DFFA: variants seen among roughly 807,000 people sequenced by gnomAD.
DFFA encodes DNA fragmentation factor subunit alpha, also known as DFF45.
Under a neutral mutation model 28.0 loss-of-function variants are expected in DFFA, and 14 were observed. That is an observed-to-expected ratio of 0.50 (90% CI 0.33 to 0.78). The LOEUF (loss-of-function observed/expected upper bound fraction) is 0.78. Ranked by LOEUF, DFFA falls within the 30% of genes least tolerant of loss-of-function variation. The pLI, the probability that DFFA is intolerant of heterozygous loss-of-function variation, is 0.02. For missense variants in DFFA, 395 were observed against 407.1 expected (o/e 0.97, Z 0.26); for synonymous variants, 158 against 170.3 (o/e 0.93, Z 0.56).
intron 5 of DFFA, 54 bp from the exon 6 acceptor site, chr1:10,461,756 C>T: frequency 1.2e-6 from 2 of 1,601,066 alleles, no homozygotes; most frequent in Non-Finnish European, 1.7e-6. Flanking sequence ...GCCTCTCCTG[C>T]TGCTCTCCTG....
intron 1 of DFFA, among the ~76,000 whole-genome samples, chr1:10,469,843 T>C (rs866586520): frequency 2.7e-5 from 4 of 150,252 alleles, no homozygotes; most frequent in Non-Finnish European, 4.5e-5. Flanking sequence ...TTCTTTCTTT[T>C]TTTTTTTTTT....
At chr1:10,461,784 G>C (rs1640945365) in intron 5 of DFFA, 82 bp from the exon 6 acceptor site, 1 of 1,563,270 alleles carries the variant, frequency 6.4e-7, no homozygotes, top group East Asian at 2.3e-5. Context: ...TTTGGGGAGT[G>C]CAATGAGGCA....
At position 10,463,531 on chromosome 1, in the gene DFFA, C is replaced by T; in HGVS notation, c.531G>A (p.Gln177=). 1 of 1,614,224 alleles carries T rather than the reference C, an allele frequency of 6.2e-7. No individual in the cohort carries two copies. Among genetic ancestry groups the T allele is most frequent in the Non-Finnish European group, 8.5e-7 (1 of 1,180,042 alleles). ...TVQRLQHTLQ[Q]VLDQREEVRQ... is the part of the protein sequence containing the mutation. ...GCACTTCCTCTCTTTGGTCAAGCAC[C>T]TGTTGGAGTGTGTGCTGCAGCCGCT... The change falls in exon 4 of 6, where the codon CAG becomes CAA. Residue 177 remains glutamine, a synonymous_variant. Transcript: ENST00000377038.
intron 1 of DFFA, among the ~76,000 whole-genome samples, chr1:10,469,770 T>G (rs186823833): frequency 1.3e-5 from 2 of 152,048 alleles, no homozygotes; most frequent in Admixed American, 1.3e-4. Flanking sequence ...CCACCCGCCT[T>G]GGCCTCCCAA....
rs71643093 is a variant in DFFA at position 10,467,177 on chromosome 1, G to C, written c.441+13C>G. On this transcript the variant is annotated intron_variant, in intron 3 of 5. Coordinates refer to ENST00000377038, the MANE Select transcript of DFFA (RefSeq NM_004401.3). ...TGGATGAACATTGTTGCAGGTTGTG[G>C]AGGAGGCTTTACCTGGAGGTCCTCC... The C allele has an allele frequency of 1.2e-6, 2 of 1,613,874 alleles. No individual in the cohort carries two copies. The highest frequency in any genetic ancestry group is 2.7e-5 in the African/African-American group (2 of 74,902).
At position 10,469,282 on chromosome 1, in the gene DFFA, C is replaced by T; in HGVS notation, c.193G>A (p.Glu65Lys). 6.2e-7 allele frequency: 1 copy of T among 1,614,196 alleles called. No homozygotes were observed. Among genetic ancestry groups the T allele is most frequent in the Non-Finnish European group, 8.5e-7 (1 of 1,180,012 alleles). Residue 65 changes from glutamate (E) to lysine (K), a missense_variant, in exon 2 of 6, where the codon GAG becomes AAG. Transcript: ENST00000377038. Reference sequence around the variant, plus strand: ...TCATCATCCACTATGGTGCCATCCTCTGCCAGGACCAGGGTGACTGGTGTC... The same window carrying T: ...TCATCATCCACTATGGTGCCATCCTTTGCCAGGACCAGGGTGACTGGTGTC... ...SLTPVTLVLA[E>K]DGTIVDDDDY...
rs995554688 is a variant in DFFA, at chr1:10,462,099, C to T, written c.784-397G>A. ...GGTCTCGATCTCCTGACCTTGTGATCCGCCCACCTTGGCCTCCCAAAGTGC... is the reference window on the plus strand; with the variant it reads ...GGTCTCGATCTCCTGACCTTGTGATTCGCCCACCTTGGCCTCCCAAAGTGC... On this transcript the variant is annotated intron_variant, in intron 5 of 5. Coordinates refer to ENST00000377038, the MANE Select transcript of DFFA (RefSeq NM_004401.3). Among the ~76,000 whole-genome samples the T allele has an allele frequency of 1.7e-4, 26 of 152,266 alleles. No individual in the cohort carries two copies. In the South Asian group the frequency reaches 5.4e-3, roughly 32 times the overall value.
intron 3 of DFFA, among the ~76,000 whole-genome samples, chr1:10,465,449 A>G (rs1641007610): frequency 6.6e-6 from 1 of 151,986 alleles, no homozygotes; most frequent in African/African-American, 2.4e-5. Flanking sequence ...TATTTTTAGT[A>G]GAGACGGGAT....
rs1341058246 is a variant in DFFA at position 10,462,647 on chromosome 1, T to A, written c.783+411A>T. ...AGGCAGGTTCCCTTCCTCAAGTTTT[T>A]AGCTCCCTGGTCTTAGCCAGCAGGC... On this transcript the variant is annotated intron_variant, in intron 5 of 5. Transcript: ENST00000377038. 4 of 1,016,608 alleles carry A rather than the reference T, an allele frequency of 3.9e-6. No homozygotes were observed. In the Admixed American group the frequency reaches 2.0e-4, roughly 51 times the overall value. 63.0% of individuals were successfully genotyped at this position (1,016,608 alleles called of 1,614,324 possible). A position where few individuals can be genotyped will look rare whatever the true frequency, so the allele number is the denominator to read the frequency against.
chr1:10,463,308 C>A, intron 4 of DFFA, 99 bp from the exon 5 acceptor site: 2 of 1,555,070 alleles, frequency 1.3e-6, no homozygotes, highest in Non-Finnish European at 1.7e-6. Context: ...AGAAACGTGC[C>A]CGTCCCGCAT....
rs148818182 is a variant in DFFA, at chr1:10,467,701, G to A, written c.299-369C>T. Among the ~76,000 whole-genome samples the A allele has an allele frequency of 2.0e-3, 306 of 152,104 alleles. 2 individuals are homozygous for A. Among genetic ancestry groups the A allele is most frequent in the Non-Finnish European group, 3.3e-3 (227 of 67,992 alleles). ...AATTTTGGTATTTTTAGTAGAGACG[G>A]GCTTTCACCATGTTGGCCAGGCTGG... On this transcript the variant is annotated intron_variant, in intron 2 of 5. Coordinates refer to ENST00000377038, the MANE Select transcript of DFFA (RefSeq NM_004401.3).
At position 10,461,533 on chromosome 1, in the gene DFFA, C is replaced by A. The variant is rs781227271; in HGVS notation, c.953G>T (p.Gly318Val). The change falls in exon 6 of 6, where the codon GGT becomes GTT. Residue 318 changes from glycine to valine, a missense_variant. By Grantham distance (109) the Gly-to-Val change is moderately radical. Transcript: ENST00000377038. ...SISASKASPPGDLQNPKRARQ... is the reference protein window; with the variant it reads ...SISASKASPPVDLQNPKRARQ... ...GGCTCGCTTAGGATTCTGCAGGTCA[C>A]CAGGTGGTGAGGCCTTGCTTGCTGA... 4 of 1,613,970 alleles carry A rather than the reference C, an allele frequency of 2.5e-6. No homozygotes were observed. The highest frequency in any genetic ancestry group is 3.4e-6 in the Non-Finnish European group (4 of 1,180,002).
chr1:10,463,135 C>T lies in DFFA; in HGVS notation c.706G>A (p.Ala236Thr). ...GCAGTAAGGATGTGGCTCGCCAGCG[C>T]AACGTCCGAGGAGGTCTCTCTGCTG... ...GISRETSSDV[A>T]LASHILTALR... Residue 236 changes from alanine to threonine, a missense_variant, in exon 5 of 6, where the codon GCG becomes ACG. Physicochemically the swap from Ala to Thr is moderately conservative, Grantham distance 58 (BLOSUM62 0). Transcript: ENST00000377038. 1 of 1,614,184 alleles carries T rather than the reference C, an allele frequency of 6.2e-7. No homozygotes were observed. The highest frequency in any genetic ancestry group is 8.5e-7 in the Non-Finnish European group (1 of 1,180,040).
At chr1:10,467,889 C>T (rs1641044668) in intron 2 of DFFA, among the ~76,000 whole-genome samples, 1 of 152,228 alleles carries the variant, frequency 6.6e-6, no homozygotes, top group African/African-American at 2.4e-5. Context: ...TGTGTGGTCA[C>T]ACCTACAAGG....
chr1:10,468,865 A>G (rs1234232720), intron 2 of DFFA, among the ~76,000 whole-genome samples: 2 of 151,974 alleles, frequency 1.3e-5, no homozygotes, highest in Non-Finnish European at 2.9e-5. Flanking sequence ...CAGCCTCCCA[A>G]GTATCTGGGA....
At chr1:10,462,438 T>A in intron 5 of DFFA, 1 of 987,920 alleles carries the variant, frequency 1.0e-6, no homozygotes, top group Non-Finnish European at 1.2e-6. Flanking sequence ...CGGACAAGCA[T>A]GGGCCTTTTC....
In DFFA at chr1:10,465,993, GA is replaced by G. The variant is rs1177530647; in HGVS notation, c.441+1196del. ...TACAAAAATTAAAAAAAAAAAAAAA[GA>G]AAAAATAGCGCAGTGTGGTGGTGCA... On this transcript the variant is annotated intron_variant, in intron 3 of 5. Transcript: ENST00000377038. 1.9e-3 allele frequency among the ~76,000 whole-genome samples: 280 copies of G among 146,960 alleles called. 3 individuals are homozygous for G. Among genetic ancestry groups the G allele is most frequent in the East Asian group, 0.014 (67 of 4,956 alleles).
Position 10,469,211 on chromosome 1 carries a change from CAATGCCACAAACTTAGTA to C in DFFA, c.246_263del (p.Asn82_Leu88delinsLys). ...TGTATGCCCATTTCTCATTACTAGCCAATGCCACAAACTTAGTATTGGAAGGTAGACACAGAAAGTAAT... is the reference window on the plus strand; with the variant it reads ...TGTATGCCCATTTCTCATTACTAGCCTTGGAAGGTAGACACAGAAAGTAAT... On this transcript the variant is annotated inframe_deletion, in exon 2 of 6. Coordinates refer to ENST00000377038, the MANE Select transcript of DFFA (RefSeq NM_004401.3). 6.2e-7 allele frequency: 1 copy of C among 1,614,154 alleles called. No homozygotes were observed. The highest frequency in any genetic ancestry group is 8.5e-7 in the Non-Finnish European group (1 of 1,180,018).
rs749779847 is a variant in DFFA at position 10,461,707 on chromosome 1, A to G, written c.784-5T>C. ...GGGGTCTTCCTTGGTAACCAACTGC[A>G]GCAAGAATAAAAACCCCTGAGAACT... On this transcript the variant is annotated splice_polypyrimidine_tract_variant and splice_region_variant and intron_variant, in intron 5 of 5. Coordinates refer to ENST00000377038, the MANE Select transcript of DFFA (RefSeq NM_004401.3). 1.1e-5 allele frequency: 17 copies of G among 1,613,956 alleles called. No individual in the cohort carries two copies. The highest frequency in any genetic ancestry group is 3.3e-5 in the Admixed American group (2 of 59,988).
Sources: allele counts gnomAD v4.1 joint callset (sites outside exome capture counted in the v4.1 genomes callset), GRCh38; gene constraint gnomAD v4.1.1; transcripts MANE v1.5; gene names NCBI Gene and HGNC (gene_info 2026-07-23, HGNC 2026-07-21).